Variants in GNG7 observed in about 807,000 individuals in gnomAD.
GNG7 encodes the protein guanine nucleotide-binding protein G(I)/G(S)/G(O) subunit gamma-7.
In GNG7, 1 loss-of-function variant was observed where a neutral mutation model predicts 4.0. The ratio of observed to expected loss-of-function variants is 0.25; its 90% CI spans 0.09 to 1.18. The LOEUF (loss-of-function observed/expected upper bound fraction) is 1.18. Among genes scored for constraint, GNG7 ranks in the 50% most tolerant of loss-of-function variants. GNG7 has a pLI of 0.50. For synonymous variants in GNG7, 34 were observed against 36.9 expected, an observed-to-expected ratio of 0.92 and a Z score of 0.29; for missense variants, 86 against 91.9, an observed-to-expected ratio of 0.94 and a Z score of 0.26.
At chr19:2,556,308 G>C (rs573763274) in intron 2 of GNG7, among the ~76,000 whole-genome samples, 586 of 152,326 alleles carry the variant, frequency 3.8e-3, no homozygotes, top group Non-Finnish European at 5.6e-3. Context: ...CAGTGGGCTT[G>C]CCCGGCGAGG....
intron 2 of GNG7, among the ~76,000 whole-genome samples, chr19:2,598,836 T>C (rs972766924): frequency 6.6e-6 from 1 of 151,818 alleles, no homozygotes; most frequent in African/African-American, 2.4e-5. Context: ...CAAAAGAAGG[T>C]GATCACGGAA....
chr19:2,563,221 T>C (rs950238056), intron 2 of GNG7, among the ~76,000 whole-genome samples: 7 of 151,748 alleles, frequency 4.6e-5, no homozygotes, highest in African/African-American at 1.7e-4. Flanking sequence ...GTGCTGGGAT[T>C]ACAGGTGTGA....
Position 2,511,683 on chromosome 19 carries a change from G to T in GNG7, c.*3339C>A. The T allele has an allele frequency of 4.1e-6, 2 of 490,494 alleles. No homozygotes were observed. The highest frequency in any genetic ancestry group is 8.8e-5 in the South Asian group (1 of 11,336). The allele number at this position is 490,494 out of a possible 1,614,324, so 30.4% of individuals were successfully genotyped here. ...TAACTTGGAGATGGATGCGTGGCCT[G>T]GAGGCCTAGCGTTGCGCCTCGGACA... On this transcript the variant is annotated 3_prime_UTR_variant, in exon 5 of 5. Coordinates refer to ENST00000382159, the MANE Select transcript of GNG7 (RefSeq NM_052847.3). The surrounding 1 kb of genome is among the most constrained non-coding windows in gnomAD (Gnocchi z 6.3).
chr19:2,680,144 CTTTTTTT>C lies in GNG7; in HGVS notation c.-135+22495_-135+22501del, dbSNP rs775146336. ...TGGGCATCATAGTAAGACCTTGTCTCTTTTTTTTTTTTTTTTTTTTTGAGACAGAGTC... is the reference window on the plus strand; with the variant it reads ...TGGGCATCATAGTAAGACCTTGTCTCTTTTTTTTTTTTTTGAGACAGAGTC... On this transcript the variant is annotated intron_variant, in intron 1 of 4. Transcript: ENST00000382159. Among the ~76,000 whole-genome samples the C allele has an allele frequency of 5.0e-5, 6 of 119,006 alleles. No homozygotes were observed. In the East Asian group the frequency reaches 8.7e-4, roughly 17 times the overall value. The allele number at this position is 119,006 out of a possible 152,430, so 78.1% of individuals were successfully genotyped here. A position where few individuals can be genotyped will look rare whatever the true frequency, so the allele number is the denominator to read the frequency against.
chr19:2,591,204 G>T (rs561927374), intron 2 of GNG7, among the ~76,000 whole-genome samples: 2 of 152,108 alleles, frequency 1.3e-5, no homozygotes. Flanking sequence ...GCCGTTCCAC[G>T]CTGGAAGGCT....
chr19:2,577,700 CAAAAAAAAA>C, intron 2 of GNG7, among the ~76,000 whole-genome samples: 1 of 108,392 alleles, frequency 9.2e-6, no homozygotes, highest in South Asian at 3.2e-4. Flanking sequence ...GATTCCATCT[CAAAAAAAAA>C]AAAAAAAAAA....
rs1164243618 is a variant in GNG7 at position 2,536,461 on chromosome 19, T to C, written c.-37-15736A>G. The stretch of plus-strand genomic sequence containing the variant: ...AAAAGAAAAGAAAAGGGCCTCAGCT[T>C]GCTGTTTTTGAAACTGAAGCCACAT... On this transcript the variant is annotated intron_variant, in intron 3 of 4. Transcript: ENST00000382159. Among the ~76,000 whole-genome samples the C allele has an allele frequency of 3.9e-5, 6 of 151,986 alleles. No homozygotes were observed. The East Asian group carries it at 1.2e-3, about 29-fold the overall frequency.
At chr19:2,568,552 T>C (rs61724539) in intron 2 of GNG7, among the ~76,000 whole-genome samples, 116,465 of 151,728 alleles carry the variant, frequency 0.77, 45,009 homozygotes, top group Admixed American at 0.82. Flanking sequence ...TACACATATA[T>C]ATACACACAT....
chr19:2,586,411 C>T (rs377217697), intron 2 of GNG7, among the ~76,000 whole-genome samples: 119 of 152,286 alleles, frequency 7.8e-4, no homozygotes, highest in African/African-American at 2.6e-3. Flanking sequence ...AAGCGAGGGC[C>T]GCAAATGGGG....
chr19:2,513,015 C>G lies in GNG7; in HGVS notation c.*2007G>C. Reference sequence around the variant, plus strand: ...AGCAGGTTTGGCGGGTAGGGCTCCCCGAAGCCCCAGCCCTCCCGGACCTGC... The same window carrying G: ...AGCAGGTTTGGCGGGTAGGGCTCCCGGAAGCCCCAGCCCTCCCGGACCTGC... On this transcript the variant is annotated 3_prime_UTR_variant, in exon 5 of 5. Coordinates refer to ENST00000382159, the MANE Select transcript of GNG7 (RefSeq NM_052847.3). 1.0e-6 allele frequency: 1 copy of G among 985,458 alleles called. No individual in the cohort carries two copies. Among genetic ancestry groups the G allele is most frequent in the Non-Finnish European group, 1.2e-6 (1 of 829,942 alleles). The allele number at this position is 985,458 out of a possible 1,614,324, so 61.0% of individuals were successfully genotyped here.
Position 2,514,984 on chromosome 19 carries a change from G to A in GNG7, c.*38C>T, listed in dbSNP as rs772692272. The A allele has an allele frequency of 5.9e-4, 666 of 1,124,738 alleles. 1 individual carries two copies. The highest frequency in any genetic ancestry group is 3.1e-4 in the Non-Finnish European group (248 of 801,054). The allele number at this position is 1,124,738 out of a possible 1,614,324, so 69.7% of individuals were successfully genotyped here. On this transcript the variant is annotated 3_prime_UTR_variant, in exon 5 of 5. Transcript: ENST00000382159. ...AGACAGAGACAGAGAGAGAGAGAGAGAAAGAGAGAGAGAGAGAGAGAACAT... is the reference window on the plus strand; with the variant it reads ...AGACAGAGACAGAGAGAGAGAGAGAAAAAGAGAGAGAGAGAGAGAGAACAT...
intron 1 of GNG7, among the ~76,000 whole-genome samples, chr19:2,675,600 C>G (rs1373421106): frequency 1.3e-5 from 2 of 152,164 alleles, no homozygotes; most frequent in South Asian, 2.1e-4. Flanking sequence ...CTATGAGGGA[C>G]TGCTGGGGGA....
intron 1 of GNG7, among the ~76,000 whole-genome samples, chr19:2,667,732 T>C (rs1223948825): frequency 2.6e-5 from 4 of 152,092 alleles, no homozygotes; most frequent in Admixed American, 1.3e-4. Context: ...CTGGCCAACA[T>C]GGTGAAACCC....
At chr19:2,645,358 C>A (rs932941382) in intron 2 of GNG7, among the ~76,000 whole-genome samples, 1 of 151,762 alleles carries the variant, frequency 6.6e-6, no homozygotes, top group Non-Finnish European at 1.5e-5. Context: ...CGCACCTCAG[C>A]CTCCCGAGTA....
chr19:2,541,516 C>T (rs562706464), intron 3 of GNG7, among the ~76,000 whole-genome samples: 2 of 151,854 alleles, frequency 1.3e-5, no homozygotes, highest in East Asian at 1.9e-4. Context: ...GGGTGGATCA[C>T]GAGGTCAGGA....
chr19:2,690,768 A>T (rs2144909818), intron 1 of GNG7, among the ~76,000 whole-genome samples: 1 of 152,144 alleles, frequency 6.6e-6, no homozygotes, highest in South Asian at 2.1e-4. Context: ...TAAGCTTTGT[A>T]TTGTTAATAA....
At chr19:2,539,527 A>T (rs34256263) in intron 3 of GNG7, among the ~76,000 whole-genome samples, 38,695 of 151,430 alleles carry the variant, frequency 0.26, 5,059 homozygotes, top group East Asian at 0.44. Flanking sequence ...CTGGTCTCGA[A>T]CTCCTGAACT....
At chr19:2,526,028 T>A (rs4807293) in intron 3 of GNG7, among the ~76,000 whole-genome samples, 1 of 144,014 alleles carries the variant, frequency 6.9e-6, no homozygotes. Flanking sequence ...TGGAGTGCAG[T>A]GGCGCGATCT....
intron 3 of GNG7, among the ~76,000 whole-genome samples, chr19:2,550,177 C>T (rs1160564138): frequency 6.6e-6 from 1 of 152,112 alleles, no homozygotes; most frequent in Non-Finnish European, 1.5e-5. Context: ...GCAGAAGGAG[C>T]GGCTGGGAGG....
Sources: gnomAD v4.1 joint callset for allele counts (sites outside exome capture counted in the v4.1 genomes callset) on GRCh38, gnomAD v4.1.1 for gene constraint, Gnocchi (gnomAD v3.1) non-coding constraint, MANE v1.5 for transcripts, NCBI Gene and HGNC (gene_info 2026-07-23, HGNC 2026-07-21) for gene names.